CADM2: variants seen among roughly 807,000 people sequenced by gnomAD.
CADM2 encodes cell adhesion molecule 2, also known as immunoglobulin superfamily member 4D.
CADM2 carries 12 observed loss-of-function variants against 49.8 expected under a neutral mutation model. That is an observed-to-expected ratio of 0.24 (90% confidence interval 0.15 to 0.39). The LOEUF (loss-of-function observed/expected upper bound fraction) is 0.39, where lower values mean the gene tolerates loss of function less well. Among genes scored for constraint, CADM2 ranks in the 10% least tolerant of loss-of-function variants. The pLI, the probability that CADM2 is intolerant of heterozygous loss-of-function variation, is 1.00. For synonymous variants in CADM2, 214 were observed against 175.4 expected (o/e 1.22, Z -1.74); for missense variants, 378 against 492.3 (o/e 0.77, Z 2.20).
intron 9 of CADM2, 86 bp downstream of exon 9, chr3:86,065,816 G>A (rs1418107400): frequency 1.5e-6 from 2 of 1,334,558 alleles, no homozygotes; most frequent in Admixed American, 2.2e-5. Flanking sequence ...GTGCATATAT[G>A]TTTCTGTACA....
chr3:85,340,714 G>C (rs2045216704), intron 1 of CADM2, among the ~76,000 whole-genome samples: 1 of 151,556 alleles, frequency 6.6e-6, no homozygotes, highest in Non-Finnish European at 1.5e-5. Flanking sequence ...CTCTTTAAAA[G>C]AATTGCTGGC....
intron 1 of CADM2, 31 bp downstream of exon 1, chr3:84,959,699 A>G (rs1317027859): frequency 1.3e-6 from 2 of 1,529,414 alleles, no homozygotes; most frequent in African/African-American, 1.4e-5. Flanking sequence ...GGGAACATCA[A>G]CTTCTCGCCC....
rs114941653 is a variant in CADM2 at position 85,430,640 on chromosome 3, G to A, written c.62-295882G>A. Among the ~76,000 whole-genome samples, 1,322 of 148,470 alleles carry A rather than the reference G, an allele frequency of 8.9e-3. 18 individuals carry two copies. The highest frequency in any genetic ancestry group is 0.03 in the African/African-American group (1,197 of 40,338). On this transcript the variant is annotated intron_variant, in intron 1 of 9. Transcript: ENST00000383699. Reference sequence around the variant, plus strand: ...TGGGGGGGAGTAAAAGGGAGAGAAAGAGAGGAGAAAAACAGAAAGAGAAAG... The same window carrying A: ...TGGGGGGGAGTAAAAGGGAGAGAAAAAGAGGAGAAAAACAGAAAGAGAAAG...
chr3:85,536,988 G>A (rs908508319), intron 1 of CADM2, among the ~76,000 whole-genome samples: 1 of 151,686 alleles, frequency 6.6e-6, no homozygotes, highest in Non-Finnish European at 1.5e-5. Context: ...TTCATGCCTT[G>A]CCTATCCCTT....
At chr3:85,365,966 T>C (rs1034428282) in intron 1 of CADM2, among the ~76,000 whole-genome samples, 7 of 152,156 alleles carry the variant, frequency 4.6e-5, no homozygotes, top group African/African-American at 1.7e-4. Flanking sequence ...TGTCTGATTG[T>C]CATTTAGTAA....
intron 5 of CADM2, among the ~76,000 whole-genome samples, chr3:85,909,003 C>T (rs1019567297): frequency 1.4e-4 from 21 of 152,148 alleles, no homozygotes; most frequent in African/African-American, 4.1e-4. Context: ...GGATTACAGG[C>T]GTGAGCCACC....
chr3:85,926,649 G>A (rs971559348), intron 6 of CADM2, among the ~76,000 whole-genome samples: 4 of 152,036 alleles, frequency 2.6e-5, no homozygotes, highest in Admixed American at 2.0e-4. Flanking sequence ...ATTTGCTATC[G>A]GGAGGTTTTT....
In CADM2 at chr3:85,641,137, G is replaced by A. The variant is rs2064696995; in HGVS notation, c.62-85385G>A. On this transcript the variant is annotated intron_variant, in intron 1 of 9. Transcript: ENST00000383699. The stretch of plus-strand genomic sequence containing the variant: ...GTCACAAACATGTTATTGTTTTAAT[G>A]TATTGCATTAATGCGTTTCAGCCTC... Among the ~76,000 whole-genome samples the A allele has an allele frequency of 8.5e-5, 13 of 152,196 alleles. 1 individual carries two copies. The South Asian group carries it at 2.7e-3, about 32-fold the overall frequency.
intron 1 of CADM2, among the ~76,000 whole-genome samples, chr3:85,369,555 A>G (rs2033045014): frequency 6.6e-6 from 1 of 152,150 alleles, no homozygotes; most frequent in Non-Finnish European, 1.5e-5. Flanking sequence ...GAATCACCTG[A>G]GGTCGGGAGT....
At chr3:85,278,295 C>T (rs113968083) in intron 1 of CADM2, among the ~76,000 whole-genome samples, 1 of 151,354 alleles carries the variant, frequency 6.6e-6, no homozygotes, top group African/African-American at 2.4e-5. Context: ...AGTATTCTCC[C>T]ATTCCCAGTC....
At chr3:85,169,631 G>T (rs1291641961) in intron 1 of CADM2, among the ~76,000 whole-genome samples, 2 of 152,024 alleles carry the variant, frequency 1.3e-5, no homozygotes, top group East Asian at 3.9e-4. Flanking sequence ...AATCTGCGGG[G>T]TGTGGTGGCA....
chr3:85,030,742 A>T (rs981449568), intron 1 of CADM2, among the ~76,000 whole-genome samples: 1 of 152,122 alleles, frequency 6.6e-6, no homozygotes, highest in African/African-American at 2.4e-5. Flanking sequence ...CAGGTCTTCA[A>T]TCTTGGCGTA....
At chr3:85,663,317 AG>A (rs1439276918) in intron 1 of CADM2, among the ~76,000 whole-genome samples, 2 of 152,038 alleles carry the variant, frequency 1.3e-5, no homozygotes, top group African/African-American at 4.8e-5. Context: ...TTAGGCTCAT[AG>A]CCTTGTTGGT....
chr3:85,073,032 CTATCT>C (rs905310974), intron 1 of CADM2, among the ~76,000 whole-genome samples: 1 of 152,102 alleles, frequency 6.6e-6, no homozygotes, highest in African/African-American at 2.4e-5. Flanking sequence ...TCTATTTTGA[CTATCT>C]TACTTCTTAA....
At chr3:85,364,413 T>A (rs891111597) in intron 1 of CADM2, among the ~76,000 whole-genome samples, 1 of 152,118 alleles carries the variant, frequency 6.6e-6, no homozygotes, top group Non-Finnish European at 1.5e-5. Flanking sequence ...TTTCAAGAGG[T>A]GTTTTTCCTC....
At chr3:85,951,229 G>A (rs904470862) in intron 7 of CADM2, among the ~76,000 whole-genome samples, 1 of 150,974 alleles carries the variant, frequency 6.6e-6, no homozygotes, top group African/African-American at 2.4e-5. Context: ...AAAGAGTAGA[G>A]GCCAATGAGA....
intron 1 of CADM2, among the ~76,000 whole-genome samples, chr3:85,647,427 A>G (rs975366148): frequency 9.9e-5 from 15 of 151,600 alleles, no homozygotes; most frequent in Admixed American, 1.3e-4. Context: ...TATTTGTGCA[A>G]ACTACTTAGA....
intron 3 of CADM2, among the ~76,000 whole-genome samples, chr3:85,875,428 T>C (rs1413825261): frequency 6.6e-6 from 1 of 152,188 alleles, no homozygotes; most frequent in Non-Finnish European, 1.5e-5. Flanking sequence ...ATACAAAGTA[T>C]AACATCTGAC....
intron 1 of CADM2, among the ~76,000 whole-genome samples, chr3:85,115,025 A>G (rs1217726481): frequency 6.6e-6 from 1 of 152,212 alleles, no homozygotes; most frequent in Non-Finnish European, 1.5e-5. Flanking sequence ...GTCTTAATGA[A>G]GTCTCAAATG....
Sources: allele counts gnomAD v4.1 joint callset (sites outside exome capture counted in the v4.1 genomes callset), GRCh38; gene constraint gnomAD v4.1.1; transcripts MANE v1.5; gene names NCBI Gene and HGNC (gene_info 2026-07-23, HGNC 2026-07-21).